Variants in SPG11 observed in about 807,000 individuals in gnomAD.
SPG11 encodes the protein spatacsin.
In SPG11, 222 loss-of-function variants were observed where a neutral mutation model predicts 274.0. The ratio of observed to expected loss-of-function variants is 0.81; its 90% CI spans 0.73 to 0.91. The LOEUF is 0.91. Ranked by LOEUF, SPG11 falls within the 40% of genes least tolerant of loss-of-function variation. The pLI, the probability that SPG11 is intolerant of heterozygous loss-of-function variation, is 0.00. For synonymous variants in SPG11, 1,144 were observed against 1,039.7 expected (o/e 1.10, Z -1.93); for missense variants, 3,114 against 2,872.7 (o/e 1.08, Z -1.92).
chr15:44,607,063 T>C lies in SPG11; in HGVS notation c.3454-972A>G, dbSNP rs148043061. Among the ~76,000 whole-genome samples, 142 of 152,324 alleles carry C rather than the reference T, an allele frequency of 9.3e-4. No individual in the cohort carries two copies. The Middle Eastern group carries it at 0.017, about 18-fold the overall frequency. On this transcript the variant is annotated intron_variant, in intron 19 of 39. Transcript: ENST00000261866. ...GGTAAGACACTTCTGTCAGTATAAA[T>C]CCAGAATACTGCTTCCTTCTTCAAA...
At chr15:44,576,025 C>T (rs956794227) in intron 30 of SPG11, among the ~76,000 whole-genome samples, 1 of 151,218 alleles carries the variant, frequency 6.6e-6, no homozygotes, top group African/African-American at 2.4e-5. Flanking sequence ...GCCTGTAATC[C>T]CAGCTACTCA....
At chr15:44,614,837 C>A (rs957953809) in intron 16 of SPG11, among the ~76,000 whole-genome samples, 1 of 152,136 alleles carries the variant, frequency 6.6e-6, no homozygotes, top group African/African-American at 2.4e-5. Context: ...ATTACTGACC[C>A]AATAGCAATT....
chr15:44,581,041 C>T (rs572015709), intron 30 of SPG11, among the ~76,000 whole-genome samples: 1 of 151,928 alleles, frequency 6.6e-6, no homozygotes, highest in Admixed American at 6.6e-5. Context: ...TATAATCAAA[C>T]TGCTGAAGAC....
At chr15:44,581,718 AGGT>A (rs1406485202) in intron 30 of SPG11, among the ~76,000 whole-genome samples, 8 of 152,032 alleles carry the variant, frequency 5.3e-5, no homozygotes, top group Non-Finnish European at 1.2e-4. Flanking sequence ...TTGTTTAATG[AGGT>A]TTTCAATGTA....
Position 44,598,387 on chromosome 15 carries a change from A to G in SPG11, c.3893-14T>C. 1 of 1,605,638 alleles carries G rather than the reference A, an allele frequency of 6.2e-7. No homozygotes were observed. Among genetic ancestry groups the G allele is most frequent in the South Asian group, 1.1e-5 (1 of 90,888 alleles). On this transcript the variant is annotated splice_polypyrimidine_tract_variant and intron_variant, in intron 22 of 39. Transcript: ENST00000261866. Reference sequence around the variant, plus strand: ...ATAGTTTTTCGGCTGTAAGAAATATAAACAACAAAATATGGTGAAGAGAAA... The same window carrying G: ...ATAGTTTTTCGGCTGTAAGAAATATGAACAACAAAATATGGTGAAGAGAAA...
intron 4 of SPG11, among the ~76,000 whole-genome samples, chr15:44,652,636 A>C (rs994959608): frequency 6.6e-6 from 1 of 151,758 alleles, no homozygotes; most frequent in Non-Finnish European, 1.5e-5. Flanking sequence ...GACTAATGTG[A>C]CTATCAAGTC....
At chr15:44,624,901 G>A (rs12910763) in intron 11 of SPG11, among the ~76,000 whole-genome samples, 1 of 151,984 alleles carries the variant, frequency 6.6e-6, no homozygotes, top group African/African-American at 2.4e-5. Flanking sequence ...TTGGGAGGTC[G>A]AGGCAGGTGG....
chr15:44,629,220 C>A lies in SPG11; in HGVS notation c.1891+13G>T. On this transcript the variant is annotated intron_variant, in intron 9 of 39. Transcript: ENST00000261866. Reference sequence around the variant, plus strand: ...AACAGTAGAATTGCCCCCTTCCTAGCTGCTATTCTTACCTTCAGTGTGAAT... The same window carrying A: ...AACAGTAGAATTGCCCCCTTCCTAGATGCTATTCTTACCTTCAGTGTGAAT... The A allele has an allele frequency of 6.2e-7, 1 of 1,613,498 alleles. No individual in the cohort carries two copies. Among genetic ancestry groups the A allele is most frequent in the African/African-American group, 1.3e-5 (1 of 75,022 alleles).
chr15:44,599,950 G>A (rs1168238294), intron 21 of SPG11, among the ~76,000 whole-genome samples: 4 of 152,094 alleles, frequency 2.6e-5, no homozygotes, highest in South Asian at 2.1e-4. Flanking sequence ...CTATCAACCC[G>A]TCATCTAGGT....
intron 7 of SPG11, among the ~76,000 whole-genome samples, chr15:44,635,517 G>A (rs2141061821): frequency 6.7e-6 from 1 of 149,394 alleles, no homozygotes; most frequent in African/African-American, 2.5e-5. Context: ...GAGGCAGGAG[G>A]GTGTCTTGAG....
chr15:44,662,276 T>C (rs1404836863), intron 1 of SPG11, among the ~76,000 whole-genome samples: 4 of 151,100 alleles, frequency 2.6e-5, no homozygotes. Flanking sequence ...TCTCTAAATG[T>C]CAGGAGCTGT....
chr15:44,632,609 C>G (rs1204903914), intron 8 of SPG11, among the ~76,000 whole-genome samples: 1 of 151,768 alleles, frequency 6.6e-6, no homozygotes, highest in African/African-American at 2.4e-5. Flanking sequence ...CTCCCAGACT[C>G]AAGCAATCCT....
chr15:44,596,423 G>C (rs2083040886), intron 24 of SPG11, 68 bp from the exon 25 acceptor site: 7 of 1,571,408 alleles, frequency 4.5e-6, no homozygotes, highest in Non-Finnish European at 6.1e-6. Context: ...GAAAATGTTA[G>C]AGAAAAGCAT....
At chr15:44,656,981 T>C (rs1848559109) in intron 4 of SPG11, 114 bp downstream of exon 4, 2 of 878,458 alleles carry the variant, frequency 2.3e-6, no homozygotes, top group Admixed American at 2.5e-5. Context: ...GAACATGATC[T>C]AACTGAATAG....
At chr15:44,636,958 C>A (rs71405267) in intron 7 of SPG11, among the ~76,000 whole-genome samples, 39,040 of 84,210 alleles carry the variant, frequency 0.46, 7,930 homozygotes, top group South Asian at 0.57. Flanking sequence ...AAAAAAAAAA[C>A]AAAAAAAAAA....
chr15:44,655,240 C>T (rs1469327216), intron 4 of SPG11, among the ~76,000 whole-genome samples: 1 of 152,190 alleles, frequency 6.6e-6, no homozygotes, highest in South Asian at 2.1e-4. Flanking sequence ...CCAGCCTGGA[C>T]AACATAGCAA....
At chr15:44,585,889 A>G (rs775028120) in intron 28 of SPG11, 39 bp from the exon 29 acceptor site, 1 of 1,555,504 alleles carries the variant, frequency 6.4e-7, no homozygotes, top group Non-Finnish European at 8.9e-7. Flanking sequence ...TTTAGTCAAT[A>G]AAATGCCACT....
At chr15:44,617,897 A>C (rs554260911) in intron 15 of SPG11, among the ~76,000 whole-genome samples, 10 of 152,196 alleles carry the variant, frequency 6.6e-5, no homozygotes, top group Admixed American at 1.3e-4. Flanking sequence ...GCTGGTCCCA[A>C]ACTCCTGACC....
At position 44,565,443 on chromosome 15, in the gene SPG11, A is replaced by G. The variant is rs151049549; in HGVS notation, c.6999+411T>C. 2.1e-3 allele frequency among the ~76,000 whole-genome samples: 325 copies of G among 152,356 alleles called. 1 individual carries two copies. The highest frequency in any genetic ancestry group is 7.6e-3 in the African/African-American group (314 of 41,588). ...GCATGTGCAGTTCACAACAGGGTTC[A>G]TGCTCCTATAAAAATATAGTCCTGT... On this transcript the variant is annotated intron_variant, in intron 38 of 39. Transcript: ENST00000261866.
Sources: allele counts gnomAD v4.1 joint callset (sites outside exome capture counted in the v4.1 genomes callset), GRCh38; gene constraint gnomAD v4.1.1; transcripts MANE v1.5; gene names NCBI Gene and HGNC (gene_info 2026-07-23, HGNC 2026-07-21).